SAMD5: variants seen among roughly 807,000 people sequenced by gnomAD.
SAMD5 encodes sterile alpha motif domain-containing protein 5.
Under a neutral mutation model 11.3 loss-of-function variants are expected in SAMD5, and 13 were observed. That is an observed-to-expected ratio of 1.15 (90% CI 0.75 to 1.83). The LOEUF (loss-of-function observed/expected upper bound fraction) is 1.83. Among genes scored for constraint, SAMD5 ranks in the 40% most tolerant of loss-of-function variants. The pLI is 0.00. For synonymous variants in SAMD5, 129 were observed against 111.3 expected (o/e 1.16, Z -1.00); for missense variants, 255 against 239.1 (o/e 1.07, Z -0.44).
At chr6:147,670,195 A>G (rs1048077645) in intron 1 of SAMD5, among the ~76,000 whole-genome samples, 2 of 152,212 alleles carry the variant, frequency 1.3e-5, no homozygotes, top group African/African-American at 4.8e-5. Context: ...TGAGAAGTAG[A>G]TCTCAACAAT....
chr6:147,693,280 A>G (rs1562353154), intron 1 of SAMD5, among the ~76,000 whole-genome samples: 2 of 152,068 alleles, frequency 1.3e-5, no homozygotes, highest in Non-Finnish European at 2.9e-5. Context: ...TCTTCCCCAC[A>G]TTGTAATGGA....
intron 1 of SAMD5, among the ~76,000 whole-genome samples, chr6:147,716,799 GA>G (rs1366400532): frequency 2.0e-5 from 3 of 152,224 alleles, no homozygotes; most frequent in Non-Finnish European, 4.4e-5. Context: ...CAGAAGAGAG[GA>G]AAGGAGGAAG....
Position 147,567,270 on chromosome 6 carries a change from A to G in SAMD5, c.*2814A>G, listed in dbSNP as rs981715029. 3.0e-6 allele frequency: 3 copies of G among 985,252 alleles called. No individual in the cohort carries two copies. Among genetic ancestry groups the G allele is most frequent in the Non-Finnish European group, 3.6e-6 (3 of 829,746 alleles). The allele number at this position is 985,252 out of a possible 1,614,324, so 61.0% of individuals were successfully genotyped here. A position where few individuals can be genotyped will look rare whatever the true frequency, so the allele number is the denominator to read the frequency against. On this transcript the variant is annotated 3_prime_UTR_variant, in exon 2 of 2. Coordinates refer to ENST00000367474, the MANE Select transcript of SAMD5 (RefSeq NM_001030060.3). ...AACTGAATTTATAGCAACAAAGGAT[A>G]GTAGTTTCTCAACTGGGAGCATACG...
intron 1 of SAMD5, among the ~76,000 whole-genome samples, chr6:147,519,200 T>C (rs1788215958): frequency 6.6e-6 from 1 of 152,216 alleles, no homozygotes; most frequent in Non-Finnish European, 1.5e-5. Context: ...AAAGATTTTT[T>C]CCCCTAGAAT....
At chr6:147,537,338 AT>A in intron 1 of SAMD5, among the ~76,000 whole-genome samples, 1 of 152,208 alleles carries the variant, frequency 6.6e-6, no homozygotes, top group Non-Finnish European at 1.5e-5. Context: ...TTAAAATTTG[AT>A]TTTGGAAAGT....
Position 147,731,925 on chromosome 6 carries a change from A to G in SAMD5, c.163-5392A>G, listed in dbSNP as rs372968032. Among the ~76,000 whole-genome samples, 10 of 152,288 alleles carry G rather than the reference A, an allele frequency of 6.6e-5. No homozygotes were observed. In the East Asian group the frequency reaches 7.7e-4, roughly 12 times the overall value. On this transcript the variant is annotated intron_variant, in intron 1 of 1. Transcript: ENST00000566741. ...GTAAATGTGGCTGCCAAGGAAACAGATTGACTACACTATTTCTAAAATTGT... is the reference window on the plus strand; with the variant it reads ...GTAAATGTGGCTGCCAAGGAAACAGGTTGACTACACTATTTCTAAAATTGT...
At chr6:147,525,974 T>A (rs1788333061) in intron 1 of SAMD5, among the ~76,000 whole-genome samples, 2 of 152,142 alleles carry the variant, frequency 1.3e-5, no homozygotes, top group African/African-American at 4.8e-5. Flanking sequence ...TGTTGGCCAT[T>A]ATCTTTGGAT....
chr6:147,736,172 A>G (rs996115361), intron 1 of SAMD5, among the ~76,000 whole-genome samples: 1 of 152,176 alleles, frequency 6.6e-6, no homozygotes, highest in Non-Finnish European at 1.5e-5. Flanking sequence ...TTTCCTCATC[A>G]GTAAAGTGAA....
the SAMD5 span, among the ~76,000 whole-genome samples, chr6:147,885,093 C>T: frequency 6.6e-6 from 1 of 152,134 alleles, no homozygotes; most frequent in Non-Finnish European, 1.5e-5. Flanking sequence ...TATCTATATA[C>T]TGCTTCCTAA....
chr6:147,915,712 G>C, the SAMD5 span, among the ~76,000 whole-genome samples: 2 of 152,208 alleles, frequency 1.3e-5, no homozygotes, highest in Non-Finnish European at 2.9e-5. Context: ...TTTCAAAGTA[G>C]TCTGAAAGCT....
the SAMD5 span, among the ~76,000 whole-genome samples, chr6:147,770,546 A>T: frequency 2.6e-5 from 4 of 152,208 alleles, no homozygotes; most frequent in Non-Finnish European, 5.9e-5. Flanking sequence ...CCTAAATCTG[A>T]TATGAAATGG....
Position 147,604,317 on chromosome 6 carries a change from TATAAAG to T in SAMD5, c.162+94932_162+94937del, listed in dbSNP as rs1020747433. Among the ~76,000 whole-genome samples, 125 of 152,146 alleles carry T rather than the reference TATAAAG, an allele frequency of 8.2e-4. 2 individuals are homozygous for T. The highest frequency in any genetic ancestry group is 1.9e-4 in the Non-Finnish European group (13 of 68,022). On this transcript the variant is annotated intron_variant, in intron 1 of 1. Coordinates refer to the SAMD5 transcript ENST00000566741. Reference sequence around the variant, plus strand: ...TAACATTGCCCTTAATTGTTCCTCCTATAAAGACCTGACAGTTTTTGACAAAAGAAA... The same window carrying T: ...TAACATTGCCCTTAATTGTTCCTCCTACCTGACAGTTTTTGACAAAAGAAA...
intron 1 of SAMD5, among the ~76,000 whole-genome samples, chr6:147,511,340 A>C (rs1788085440): frequency 6.6e-6 from 1 of 152,162 alleles, no homozygotes; most frequent in South Asian, 2.1e-4. Context: ...TAGGCTTTGA[A>C]CTCTGGTCTC....
intron 1 of SAMD5, among the ~76,000 whole-genome samples, chr6:147,606,467 T>G (rs555693131): frequency 1.3e-5 from 2 of 152,260 alleles, no homozygotes; most frequent in East Asian, 3.9e-4. Context: ...AAGTCCTTAA[T>G]TGCAATAATC....
the SAMD5 span, among the ~76,000 whole-genome samples, chr6:147,930,019 C>G: frequency 7.9e-4 from 120 of 152,282 alleles, no homozygotes; most frequent in African/African-American, 2.7e-3. Context: ...TCCCTGGCAT[C>G]TGTCCACTAA....
the SAMD5 span, among the ~76,000 whole-genome samples, chr6:147,768,820 A>G: frequency 6.6e-6 from 1 of 152,100 alleles, no homozygotes; most frequent in African/African-American, 2.4e-5. Flanking sequence ...TTTGAGACGG[A>G]GTCTTGCTCT....
the SAMD5 span, among the ~76,000 whole-genome samples, chr6:147,896,755 A>AAAAAAAAACAAACAAAC: frequency 2.1e-5 from 3 of 142,418 alleles, no homozygotes; most frequent in African/African-American, 8.3e-5. Context: ...AAAAAAAAAA[A>AAAAAAAAACAAACAAAC]AAAAAAAACG....
At chr6:147,730,639 C>T (rs1207083843) in intron 1 of SAMD5, among the ~76,000 whole-genome samples, 1 of 151,960 alleles carries the variant, frequency 6.6e-6, no homozygotes, top group African/African-American at 2.4e-5. Context: ...ATATTTAAAG[C>T]CATGAGATGA....
intron 1 of SAMD5, among the ~76,000 whole-genome samples, chr6:147,650,744 C>T (rs995075176): frequency 6.6e-6 from 1 of 152,136 alleles, no homozygotes; most frequent in African/African-American, 2.4e-5. Context: ...ACAGAACTTT[C>T]AGGGAGGAGA....
Sources: allele counts gnomAD v4.1 joint callset (sites outside exome capture counted in the v4.1 genomes callset), GRCh38; gene constraint gnomAD v4.1.1; transcripts MANE v1.5; gene names NCBI Gene and HGNC (gene_info 2026-07-23, HGNC 2026-07-21).